KLRG1: variants seen among roughly 807,000 people sequenced by gnomAD.
The protein encoded by KLRG1 is killer cell lectin-like receptor subfamily G member 1.
In KLRG1, 16 loss-of-function variants were observed where a neutral mutation model predicts 21.8. The ratio of observed to expected loss-of-function variants is 0.73; its 90% CI spans 0.50 to 1.11. The LOEUF is 1.11. Ranked by LOEUF, KLRG1 falls within the 50% of genes most tolerant of loss-of-function variation. The pLI is 0.00. For missense variants in KLRG1, 173 were observed against 218.3 expected (o/e 0.79, Z 1.31); for synonymous variants, 69 against 75.9 (o/e 0.91, Z 0.47).
At chr12:9,114,233 A>G in the KLRG1 span, among the ~76,000 whole-genome samples, 1 of 152,230 alleles carries the variant, frequency 6.6e-6, no homozygotes, top group Non-Finnish European at 1.5e-5. Flanking sequence ...TTGGTAACTC[A>G]TGTGCAGTAC....
the KLRG1 span, among the ~76,000 whole-genome samples, chr12:9,038,275 C>G: frequency 6.6e-6 from 1 of 152,032 alleles, no homozygotes; most frequent in African/African-American, 2.4e-5. Context: ...TGGCTCATGG[C>G]TAGGCAATTC....
the KLRG1 span, among the ~76,000 whole-genome samples, chr12:9,184,455 G>A: frequency 2.0e-5 from 3 of 152,142 alleles, no homozygotes; most frequent in Non-Finnish European, 4.4e-5. Flanking sequence ...GTTGCTAGTG[G>A]GGATCCCCCA....
At chr12:8,996,153 G>A (rs1947124751) in intron 3 of KLRG1, among the ~76,000 whole-genome samples, 1 of 152,124 alleles carries the variant, frequency 6.6e-6, no homozygotes, top group Non-Finnish European at 1.5e-5. Flanking sequence ...AAACACGCGT[G>A]CACGTGCATG....
At chr12:9,168,497 T>C in the KLRG1 span, 38 of 178,350 alleles carry the variant, frequency 2.1e-4, 1 homozygote, top group African/African-American at 8.8e-4. Flanking sequence ...ACGTTGTTTC[T>C]TGTCACCAGT....
chr12:9,140,826 T>C, the KLRG1 span, among the ~76,000 whole-genome samples: 2 of 152,178 alleles, frequency 1.3e-5, no homozygotes, highest in African/African-American at 2.4e-5. Flanking sequence ...ATGAGGCCAG[T>C]TTCCCGAGAG....
At chr12:9,017,887 A>G in the KLRG1 span, among the ~76,000 whole-genome samples, 1 of 152,228 alleles carries the variant, frequency 6.6e-6, no homozygotes, top group African/African-American at 2.4e-5. Context: ...ACAAAAAACT[A>G]TTAAAACTGA....
the KLRG1 span, chr12:9,154,482 A>T: frequency 1.1e-6 from 1 of 899,760 alleles, no homozygotes; most frequent in Admixed American, 2.7e-5. Context: ...TTAAATTCTC[A>T]TGGTCCTCAA....
At chr12:8,977,386 TTTTA>T (rs1565540769) in intron 1 of KLRG1, among the ~76,000 whole-genome samples, 1 of 149,490 alleles carries the variant, frequency 6.7e-6, no homozygotes. Context: ...TTTTTTTTTT[TTTTA>T]TTTGTAGTAG....
At chr12:9,044,707 T>C in the KLRG1 span, among the ~76,000 whole-genome samples, 5 of 151,672 alleles carry the variant, frequency 3.3e-5, no homozygotes, top group Non-Finnish European at 7.4e-5. Flanking sequence ...GAAACCTAGA[T>C]AGTGGTAAAT....
the KLRG1 span, chr12:9,152,317 T>A: frequency 3.7e-6 from 6 of 1,604,564 alleles, no homozygotes; most frequent in Non-Finnish European, 4.3e-6. Flanking sequence ...GTAACTGTAG[T>A]GTCAAAGGAA....
At chr12:8,951,398 G>T (rs1186809783) in intron 1 of KLRG1, among the ~76,000 whole-genome samples, 1 of 152,204 alleles carries the variant, frequency 6.6e-6, no homozygotes, top group African/African-American at 2.4e-5. Flanking sequence ...GAGCCTGGGA[G>T]TTGGAGGCTG....
the KLRG1 span, among the ~76,000 whole-genome samples, chr12:9,072,204 C>T: frequency 6.6e-6 from 1 of 152,266 alleles, no homozygotes; most frequent in East Asian, 1.9e-4. Flanking sequence ...ATGTAAACCC[C>T]ATCATTGAGA....
At chr12:9,085,537 A>G in the KLRG1 span, among the ~76,000 whole-genome samples, 1 of 152,148 alleles carries the variant, frequency 6.6e-6, no homozygotes, top group Non-Finnish European at 1.5e-5. Context: ...GCTTATAACA[A>G]TAAACACCAA....
chr12:9,086,788 A>T, the KLRG1 span, among the ~76,000 whole-genome samples: 1 of 152,240 alleles, frequency 6.6e-6, no homozygotes, highest in Non-Finnish European at 1.5e-5. Flanking sequence ...TAGCAGCAAG[A>T]GCAATCAAAC....
chr12:9,078,363 C>G, the KLRG1 span, among the ~76,000 whole-genome samples: 1 of 152,188 alleles, frequency 6.6e-6, no homozygotes, highest in East Asian at 1.9e-4. Context: ...CTGCAAAGGA[C>G]ATGATTTCAT....
At chr12:9,197,584 A>AAT in the KLRG1 span, among the ~76,000 whole-genome samples, 1 of 97,184 alleles carries the variant, frequency 1.0e-5, no homozygotes, top group Non-Finnish European at 1.9e-5. Flanking sequence ...TATATGACAT[A>AAT]ATATAATATA....
chr12:9,209,651 A>G, the KLRG1 span, among the ~76,000 whole-genome samples: 2 of 152,108 alleles, frequency 1.3e-5, no homozygotes, highest in African/African-American at 4.8e-5. Context: ...AATCAAGACA[A>G]ATATGGTTGG....
the KLRG1 span, chr12:9,079,591 C>A: frequency 9.0e-5 from 140 of 1,549,894 alleles, 1 homozygote; most frequent in Admixed American, 2.3e-3. Flanking sequence ...ACTGGGAAAT[C>A]CAGTTGAAAT....
chr12:9,197,066 T>C, the KLRG1 span: 1 of 1,613,630 alleles, frequency 6.2e-7, no homozygotes, highest in Non-Finnish European at 8.5e-7. Flanking sequence ...GAACACGAGA[T>C]AATTTTCTAC....
Sources: allele counts gnomAD v4.1 joint callset (sites outside exome capture counted in the v4.1 genomes callset), GRCh38; gene constraint gnomAD v4.1.1; transcripts MANE v1.5; gene names NCBI Gene and HGNC (gene_info 2026-07-23, HGNC 2026-07-21).